The following NDST3 variants were observed in gnomAD, a reference collection of about 807,000 sequenced individuals.
NDST3 encodes bifunctional heparan sulfate N-deacetylase/N-sulfotransferase 3.
A neutral mutation model predicts 96.1 loss-of-function variants in NDST3; 58 were observed. The observed-to-expected ratio is 0.60, with a 90% confidence interval of 0.49 to 0.75. The LOEUF (loss-of-function observed/expected upper bound fraction) is 0.75. NDST3 is among the 30% of genes least tolerant of loss of function. The pLI, the probability that NDST3 is intolerant of heterozygous loss-of-function variation, is 0.00. For missense variants in NDST3, 788 were observed against 1,034.2 expected (o/e 0.76, Z 3.27); for synonymous variants, 333 against 359.7 (o/e 0.93, Z 0.84).
chr4:118,105,219 T>A (rs1348001135), intron 3 of NDST3, 114 bp downstream of exon 3: 10 of 679,216 alleles, frequency 1.5e-5, no homozygotes, highest in Admixed American at 2.8e-5. Context: ...CCCCAGCATT[T>A]TATCATTCAA....
chr4:118,222,063 G>A (rs937362915), intron 6 of NDST3, among the ~76,000 whole-genome samples: 5 of 150,324 alleles, frequency 3.3e-5, no homozygotes, highest in Non-Finnish European at 7.4e-5. Context: ...TCATCTTTAG[G>A]AAAAGACTAA....
At chr4:118,118,543 A>G (rs1303133842) in intron 4 of NDST3, among the ~76,000 whole-genome samples, 1 of 152,220 alleles carries the variant, frequency 6.6e-6, no homozygotes, top group African/African-American at 2.4e-5. Context: ...CATCTGACTC[A>G]CAAACAAATT....
In NDST3 at chr4:118,242,457, G is replaced by A. The variant is rs761021723; in HGVS notation, c.2399+308G>A. Among the ~76,000 whole-genome samples, 5 of 152,144 alleles carry A rather than the reference G, an allele frequency of 3.3e-5. No individual in the cohort carries two copies. The East Asian group carries it at 9.6e-4, about 29-fold the overall frequency. On this transcript the variant is annotated intron_variant, in intron 12 of 13. Coordinates refer to ENST00000296499, the MANE Select transcript of NDST3 (RefSeq NM_004784.3). ...TCTGAAATAAATTCGTAAAGCCTGAGCCTATTTAACAGGCAATATGGGGCT... is the reference window on the plus strand; with the variant it reads ...TCTGAAATAAATTCGTAAAGCCTGAACCTATTTAACAGGCAATATGGGGCT...
At chr4:118,133,043 C>T (rs961325210) in intron 4 of NDST3, among the ~76,000 whole-genome samples, 2 of 152,156 alleles carry the variant, frequency 1.3e-5, no homozygotes, top group African/African-American at 4.8e-5. Flanking sequence ...AGGAGTGGCG[C>T]AAGCAATCCT....
intron 2 of NDST3, among the ~76,000 whole-genome samples, chr4:118,070,297 G>C (rs1020197255): frequency 6.6e-6 from 1 of 151,990 alleles, no homozygotes; most frequent in Non-Finnish European, 1.5e-5. Flanking sequence ...GGTGAAATAG[G>C]GTGAACAGAA....
At chr4:118,231,868 A>G (rs1740316404) in intron 8 of NDST3, among the ~76,000 whole-genome samples, 1 of 152,152 alleles carries the variant, frequency 6.6e-6, no homozygotes, top group Non-Finnish European at 1.5e-5. Context: ...TACACCCTTT[A>G]TCTCCTCATT....
At chr4:118,218,865 GC>G (rs1264480854) in intron 6 of NDST3, among the ~76,000 whole-genome samples, 1 of 152,046 alleles carries the variant, frequency 6.6e-6, no homozygotes, top group Non-Finnish European at 1.5e-5. Context: ...AAATCAATGT[GC>G]AAAAAAATCA....
intron 2 of NDST3, among the ~76,000 whole-genome samples, chr4:118,078,738 G>T (rs1055833501): frequency 4.8e-5 from 4 of 83,338 alleles, no homozygotes; most frequent in African/African-American, 1.3e-4. Context: ...AACAGAGCCA[G>T]ACTCTGAAAA....
chr4:118,088,165 T>A (rs748042401), intron 2 of NDST3, among the ~76,000 whole-genome samples: 18 of 152,042 alleles, frequency 1.2e-4, no homozygotes, highest in South Asian at 2.1e-4. Context: ...TATCCATTTT[T>A]AAAAATATGT....
intron 12 of NDST3, among the ~76,000 whole-genome samples, chr4:118,243,899 A>G (rs1741151667): frequency 6.6e-6 from 1 of 152,218 alleles, no homozygotes; most frequent in South Asian, 2.1e-4. Flanking sequence ...GAGAATATCA[A>G]AGCAACATAC....
chr4:118,187,321 G>C (rs1183417347), intron 6 of NDST3, among the ~76,000 whole-genome samples: 3 of 152,202 alleles, frequency 2.0e-5, no homozygotes, highest in African/African-American at 7.2e-5. Flanking sequence ...ATCTGCTACA[G>C]AGCCTATCAT....
chr4:118,226,778 A>T, intron 7 of NDST3, 108 bp from the exon 8 acceptor site: 1 of 746,584 alleles, frequency 1.3e-6, no homozygotes, highest in African/African-American at 1.8e-5. Context: ...TCTATTTTTT[A>T]TCCCAGCGTT....
chr4:118,216,289 G>A (rs149565727), intron 6 of NDST3, among the ~76,000 whole-genome samples: 2 of 152,084 alleles, frequency 1.3e-5, no homozygotes, highest in Admixed American at 6.6e-5. Flanking sequence ...GGGTTAAGAG[G>A]TTGGAAGGCT....
chr4:118,204,217 G>T (rs546151467), intron 6 of NDST3, among the ~76,000 whole-genome samples: 3 of 152,176 alleles, frequency 2.0e-5, no homozygotes, highest in East Asian at 3.9e-4. Context: ...CAGGTACCTC[G>T]CTTGGTCACT....
intron 6 of NDST3, among the ~76,000 whole-genome samples, chr4:118,189,607 T>C (rs1304464985): frequency 6.6e-6 from 1 of 152,144 alleles, no homozygotes; most frequent in Admixed American, 6.5e-5. Context: ...TTTTAGCCAA[T>C]GTAATAATTA....
chr4:118,161,521 C>G (rs1260235782), intron 6 of NDST3, among the ~76,000 whole-genome samples: 1 of 152,154 alleles, frequency 6.6e-6, no homozygotes, highest in Non-Finnish European at 1.5e-5. Flanking sequence ...GTGGTGGGCT[C>G]CACCCAGTTC....
At chr4:118,155,666 T>A (rs1442763324) in intron 6 of NDST3, among the ~76,000 whole-genome samples, 1 of 152,202 alleles carries the variant, frequency 6.6e-6, no homozygotes, top group African/African-American at 2.4e-5. Flanking sequence ...AATTAACTCT[T>A]GTTTAGATTA....
At chr4:118,157,422 G>GTTT (rs1306965867) in intron 6 of NDST3, among the ~76,000 whole-genome samples, 2 of 105,644 alleles carry the variant, frequency 1.9e-5, no homozygotes, top group African/African-American at 2.9e-5. Context: ...ACACAGTTTT[G>GTTT]TTTTTGTTTT....
chr4:118,201,580 G>A (rs572508409), intron 6 of NDST3, among the ~76,000 whole-genome samples: 12 of 152,100 alleles, frequency 7.9e-5, no homozygotes, highest in African/African-American at 2.2e-4. Flanking sequence ...CTTGTATGAC[G>A]TCTTTTGAGA....
Sources: gnomAD v4.1 joint callset for allele counts (sites outside exome capture counted in the v4.1 genomes callset) on GRCh38, gnomAD v4.1.1 for gene constraint, MANE v1.5 for transcripts, NCBI Gene and HGNC (gene_info 2026-07-23, HGNC 2026-07-21) for gene names.